Variants in ZNF713 observed in about 807,000 individuals in gnomAD.
ZNF713 encodes the protein zinc finger protein 713.
In ZNF713, 21 loss-of-function variants were observed where a neutral mutation model predicts 28.7. The ratio of observed to expected loss-of-function variants is 0.73; its 90% CI spans 0.52 to 1.05. The LOEUF (loss-of-function observed/expected upper bound fraction) is 1.05. Among genes scored for constraint, ZNF713 ranks in the 50% least tolerant of loss-of-function variants. ZNF713 has a pLI of 0.00. For synonymous variants in ZNF713, 167 were observed against 178.0 expected, an observed-to-expected ratio of 0.94 and a Z score of 0.49; for missense variants, 458 against 532.4, an observed-to-expected ratio of 0.86 and a Z score of 1.37.
intron 1 of ZNF713, among the ~76,000 whole-genome samples, 169 bp downstream of exon 1, chr7:55,887,849 GGCGGCGGGC>G (rs1785297247): frequency 1.9e-4 from 1 of 5,382 alleles, no homozygotes; most frequent in Non-Finnish European, 4.4e-4. Context: ...GGGCGGCGGC[GGCGGCGGGC>G]GGCGGGCGGC....
chr7:55,892,927 G>C (rs931183403), intron 1 of ZNF713, among the ~76,000 whole-genome samples: 3 of 150,474 alleles, frequency 2.0e-5, no homozygotes, highest in Admixed American at 2.0e-4. Flanking sequence ...AATTTACCCA[G>C]GCTGGAGTGC....
intron 1 of ZNF713, among the ~76,000 whole-genome samples, chr7:55,896,966 AAAAT>A (rs1054083892): frequency 5.9e-5 from 9 of 152,210 alleles, no homozygotes; most frequent in African/African-American, 9.6e-5. Flanking sequence ...TTTGTGCAAT[AAAAT>A]AAATAAGAAA....
chr7:55,906,637 A>G (rs969438333), intron 2 of ZNF713, among the ~76,000 whole-genome samples: 5 of 151,946 alleles, frequency 3.3e-5, no homozygotes, highest in South Asian at 2.1e-4. Context: ...TGTGGCACCT[A>G]TGGTCTCATT....
At chr7:55,900,897 C>T (rs1785563288) in intron 1 of ZNF713, among the ~76,000 whole-genome samples, 2 of 152,120 alleles carry the variant, frequency 1.3e-5, no homozygotes, top group African/African-American at 4.8e-5. Context: ...TCTCGAACTC[C>T]TGACCTCAAG....
At chr7:55,929,018 G>T (rs1362973079) in intron 6 of ZNF713, among the ~76,000 whole-genome samples, 2 of 150,646 alleles carry the variant, frequency 1.3e-5, no homozygotes, top group African/African-American at 4.9e-5. Flanking sequence ...CACGCCTGTA[G>T]TCCCAGCCAC....
chr7:55,898,239 A>G (rs1785509324), intron 1 of ZNF713, among the ~76,000 whole-genome samples: 1 of 152,254 alleles, frequency 6.6e-6, no homozygotes, highest in African/African-American at 2.4e-5. Context: ...GGTTGCGTCA[A>G]TCTAAAAAGC....
rs534596691 is a variant in ZNF713, at chr7:55,910,134, T to C, written c.-455-1482T>C. On this transcript the variant is annotated intron_variant, in intron 2 of 6. Transcript: ENST00000429591. Reference sequence around the variant, plus strand: ...CCTCAGCCTCCCAAAATGCTGGGATTATAGGCATGAGCCACTGTACACTAA... The same window carrying C: ...CCTCAGCCTCCCAAAATGCTGGGATCATAGGCATGAGCCACTGTACACTAA... Among the ~76,000 whole-genome samples, 7 of 152,160 alleles carry C rather than the reference T, an allele frequency of 4.6e-5. No homozygotes were observed. In the East Asian group the frequency reaches 9.7e-4, roughly 21 times the overall value.
chr7:55,930,107 C>G (rs1786181549), intron 6 of ZNF713, among the ~76,000 whole-genome samples: 1 of 151,932 alleles, frequency 6.6e-6, no homozygotes, highest in Non-Finnish European at 1.5e-5. Context: ...GTTGCCCAGG[C>G]TGGAGTGCAG....
intron 1 of ZNF713, among the ~76,000 whole-genome samples, chr7:55,893,617 T>A (rs532217190): frequency 1.2e-4 from 18 of 152,198 alleles, no homozygotes; most frequent in Non-Finnish European, 2.6e-4. Context: ...GTTTTGCTGG[T>A]TGCCAAGGCT....
intron 2 of ZNF713, among the ~76,000 whole-genome samples, chr7:55,907,051 G>T (rs145383448): frequency 1.1e-4 from 17 of 152,096 alleles, no homozygotes; most frequent in African/African-American, 4.1e-4. Flanking sequence ...AGCAAGGAAG[G>T]CCTCTCCACT....
rs750093412 is a variant in ZNF713 at position 55,939,519 on chromosome 7, G to T, written c.845G>T (p.Gly282Val). Reference sequence around the variant, plus strand: ...AGCCAGCCTCAGATGTTGCTTACAGGAGAGAAGCCCTATAAGTGTGATGAA... The same window carrying T: ...AGCCAGCCTCAGATGTTGCTTACAGTAGAGAAGCCCTATAAGTGTGATGAA... ...SLSQPQMLLT[G>V]EKPYKCDECG... Residue 282 changes from glycine (G) to valine (V), a missense_variant, in exon 7 of 7, where the codon GGA (glycine) becomes GTA (valine). Physicochemically the swap from Gly to Val is moderately radical, Grantham distance 109 (BLOSUM62 -3). Transcript: ENST00000429591. 1.9e-6 allele frequency: 3 copies of T among 1,614,044 alleles called. No homozygotes were observed. The South Asian group carries it at 3.3e-5, about 18-fold the overall frequency.
rs183370962 is a variant in ZNF713 at position 55,903,196 on chromosome 7, T to C, written c.-582-3057T>C. 2.2e-3 allele frequency among the ~76,000 whole-genome samples: 331 copies of C among 152,148 alleles called. 3 individuals are homozygous for C. In the Middle Eastern group the frequency reaches 0.027, roughly 13 times the overall value. ...AAGCAAACACCAAAATCCTTTCATT[T>C]ACAAATTTAGCAAATATTTATTAAG... On this transcript the variant is annotated intron_variant, in intron 1 of 6. Coordinates refer to ENST00000429591, the MANE Select transcript of ZNF713 (RefSeq NM_182633.3).
intron 1 of ZNF713, among the ~76,000 whole-genome samples, chr7:55,898,001 A>G (rs1785503931): frequency 6.6e-6 from 1 of 152,184 alleles, no homozygotes; most frequent in Non-Finnish European, 1.5e-5. Context: ...CCTACCATGT[A>G]ATTAGAGGGT....
intron 1 of ZNF713, among the ~76,000 whole-genome samples, chr7:55,897,208 G>A (rs1185554067): frequency 1.3e-5 from 2 of 151,760 alleles, no homozygotes; most frequent in East Asian, 1.9e-4. Flanking sequence ...TAAAATTAAT[G>A]GGTTTGAGAA....
chr7:55,933,006 G>A (rs1786272040), intron 6 of ZNF713, among the ~76,000 whole-genome samples: 1 of 151,752 alleles, frequency 6.6e-6, no homozygotes, highest in South Asian at 2.1e-4. Context: ...GGGAGGTTGA[G>A]GAGGGCGAAT....
chr7:55,917,646 A>G (rs988375825), intron 4 of ZNF713, among the ~76,000 whole-genome samples: 9 of 151,882 alleles, frequency 5.9e-5, no homozygotes, highest in African/African-American at 2.2e-4. Flanking sequence ...TGAAGATTGC[A>G]GTAAGCCATG....
At chr7:55,927,915 A>AAAAAAAAAAAAAAAAAC (rs1562746758) in intron 6 of ZNF713, among the ~76,000 whole-genome samples, 1 of 148,020 alleles carries the variant, frequency 6.8e-6, no homozygotes, top group Middle Eastern at 3.2e-3. Flanking sequence ...AAAAAAAAAA[A>AAAAAAAAAAAAAAAAAC]AAAAAGCCAC....
intron 6 of ZNF713, among the ~76,000 whole-genome samples, chr7:55,932,767 C>T (rs1324789876): frequency 6.8e-6 from 1 of 148,122 alleles, no homozygotes; most frequent in Non-Finnish European, 1.5e-5. Flanking sequence ...GCCTGTAGTC[C>T]CAGCTACTCG....
At chr7:55,912,526 C>A in intron 3 of ZNF713, 109 bp from the exon 4 acceptor site, 1 of 733,242 alleles carries the variant, frequency 1.4e-6, no homozygotes, top group Non-Finnish European at 2.3e-6. Flanking sequence ...AGGCTTATGT[C>A]TTAGAGGGCT....
Sources: gnomAD v4.1 joint callset for allele counts (sites outside exome capture counted in the v4.1 genomes callset) on GRCh38, gnomAD v4.1.1 for gene constraint, MANE v1.5 for transcripts, NCBI Gene and HGNC (gene_info 2026-07-23, HGNC 2026-07-21) for gene names.